Variants in RAD54L2 observed in about 807,000 individuals in gnomAD.
RAD54L2 encodes the protein RAD54 like 2, also known as helicase ARIP4.
Under a neutral mutation model 138.4 loss-of-function variants are expected in RAD54L2, and 27 were observed. The ratio of observed to expected loss-of-function variants is 0.20; its 90% CI spans 0.14 to 0.27. The LOEUF (loss-of-function observed/expected upper bound fraction) is 0.27, where lower values mean the gene tolerates loss of function less well. RAD54L2 is among the 10% of genes least tolerant of loss of function. The probability of loss-of-function intolerance (pLI) is 1.00; values close to 1 mark genes in which losing one functional copy is unlikely to be tolerated. For synonymous variants in RAD54L2, 644 were observed against 723.2 expected, an observed-to-expected ratio of 0.89 and a Z score of 1.76; for missense variants, 1,396 against 1,890.2, an observed-to-expected ratio of 0.74 and a Z score of 4.85.
Position 51,666,681 on chromosome 3 carries a change from TATC to T in RAD54L2, c.*3264_*3266del, listed in dbSNP as rs1399451405. On this transcript the variant is annotated 3_prime_UTR_variant, in exon 23 of 23. Transcript: ENST00000684192. ...AAAGGAAGTGAACCATGTTGGGTCA[TATC>T]ATTTTCTTTAGATTGGATATCTATG... 1 of 152,232 alleles carries T rather than the reference TATC, an allele frequency of 6.6e-6. No individual in the cohort carries two copies. The highest frequency in any genetic ancestry group is 2.4e-5 in the African/African-American group (1 of 41,460). The allele number at this position is 152,232 out of a possible 1,614,324, so 9.4% of individuals were successfully genotyped here. A position where few individuals can be genotyped will look rare whatever the true frequency, so the allele number is the denominator to read the frequency against.
chr3:51,630,302 C>T lies in RAD54L2; in HGVS notation c.512C>T (p.Pro171Leu). 1 of 1,613,982 alleles carries T rather than the reference C, an allele frequency of 6.2e-7. No individual in the cohort carries two copies. The highest frequency in any genetic ancestry group is 8.5e-7 in the Non-Finnish European group (1 of 1,179,884). The change falls in exon 6 of 23, where the codon CCC becomes CTC. Residue 171 changes from proline (P) to leucine (L), a missense_variant. Around this residue, in one of 7 missense-constraint regions of RAD54L2, gnomAD observed 256 missense variants for 344.6 expected, o/e 0.74. Transcript: ENST00000684192. ...EEIALRASDG[P>L]QLPPRVLAQE... ...ATTGCTTTAAGGGCAAGTGACGGTC[C>T]CCAACTGCCTCCTCGGGTCTTGGCC... is the stretch of plus-strand genomic sequence containing the variant.
intron 19 of RAD54L2, among the ~76,000 whole-genome samples, chr3:51,652,583 T>C (rs1477840390): frequency 6.6e-6 from 1 of 152,038 alleles, no homozygotes; most frequent in Non-Finnish European, 1.5e-5. Flanking sequence ...AACCAAAATA[T>C]AGACCAATGG....
chr3:51,571,494 C>G (rs147189251), intron 2 of RAD54L2, among the ~76,000 whole-genome samples: 66 of 151,018 alleles, frequency 4.4e-4, no homozygotes, highest in African/African-American at 1.6e-3. Flanking sequence ...CGGGTTCAAG[C>G]AATTCTCCCT....
chr3:51,627,607 G>GGCA lies in RAD54L2; in HGVS notation c.200_202dup (p.Gln67dup). 1 of 1,560,506 alleles carries GGCA rather than the reference G, an allele frequency of 6.4e-7. No individual in the cohort carries two copies. Among genetic ancestry groups the GGCA allele is most frequent in the Non-Finnish European group, 8.7e-7 (1 of 1,152,906 alleles). On this transcript the variant is annotated inframe_insertion, in exon 4 of 23. Transcript: ENST00000684192. ...GAGCATGCCCAGTTGGGAGAAGATG[G>GGCA]GCAGCAGCCGCCGCGGTGCACTTCA...
Position 51,638,934 on chromosome 3 carries a change from T to C in RAD54L2, c.1861-485T>C, listed in dbSNP as rs1701057832. On this transcript the variant is annotated intron_variant, in intron 12 of 22. Transcript: ENST00000684192. This position sits in a 1 kb window ranked among gnomAD's most constrained non-coding sequence, Gnocchi z 4.3. ...AAACTAAGGCAAGCGTGGTCTGTGATGATGCTTTGGTATCACTGCATCCTT... is the reference window on the plus strand; with the variant it reads ...AAACTAAGGCAAGCGTGGTCTGTGACGATGCTTTGGTATCACTGCATCCTT... 6.0e-6 allele frequency: 1 copy of C among 167,630 alleles called. No homozygotes were observed. The highest frequency in any genetic ancestry group is 1.3e-5 in the Non-Finnish European group (1 of 77,368). 10.4% of individuals were successfully genotyped at this position (167,630 alleles called of 1,614,324 possible). A position where few individuals can be genotyped will look rare whatever the true frequency, so the allele number is the denominator to read the frequency against.
chr3:51,546,334 A>T (rs1395056975), intron 2 of RAD54L2, among the ~76,000 whole-genome samples: 9 of 152,138 alleles, frequency 5.9e-5, no homozygotes, highest in African/African-American at 1.9e-4. Context: ...ATAAAAGTTG[A>T]TATCAGATAA....
intron 3 of RAD54L2, among the ~76,000 whole-genome samples, chr3:51,626,145 A>G (rs1700674403): frequency 1.3e-5 from 2 of 151,948 alleles, no homozygotes. Context: ...CCTGCCTGAG[A>G]TCCAAATGGC....
intron 2 of RAD54L2, among the ~76,000 whole-genome samples, chr3:51,588,554 A>G (rs1429799073): frequency 4.0e-5 from 6 of 150,650 alleles, no homozygotes; most frequent in Non-Finnish European, 5.9e-5. Flanking sequence ...AAAAAAAAAA[A>G]GAAAAGAAAA....
At chr3:51,605,528 G>T (rs962690766) in intron 3 of RAD54L2, among the ~76,000 whole-genome samples, 5 of 132,792 alleles carry the variant, frequency 3.8e-5, no homozygotes, top group Non-Finnish European at 6.2e-5. Flanking sequence ...TCTTGGCTCA[G>T]TGCAGCCTCC....
intron 2 of RAD54L2, among the ~76,000 whole-genome samples, chr3:51,549,159 A>C (rs1265481683): frequency 4.0e-5 from 6 of 151,890 alleles, no homozygotes; most frequent in Non-Finnish European, 8.8e-5. Context: ...ACGCCCAGCA[A>C]ATTTTTGTAT....
In RAD54L2 at chr3:51,627,767, C is replaced by A; in HGVS notation, c.341+13C>A. 1 of 1,613,146 alleles carries A rather than the reference C, an allele frequency of 6.2e-7. No individual in the cohort carries two copies. The highest frequency in any genetic ancestry group is 1.1e-5 in the South Asian group (1 of 91,018). ...GAAGAAACATACGGTGAGCTGTGCT[C>A]TGTGTAAGAGGAGAGGGAAAGGAAT... On this transcript the variant is annotated intron_variant, in intron 4 of 22. Transcript: ENST00000684192.
At chr3:51,614,237 C>T (rs1176332788) in intron 3 of RAD54L2, among the ~76,000 whole-genome samples, 1 of 151,912 alleles carries the variant, frequency 6.6e-6, no homozygotes, top group Non-Finnish European at 1.5e-5. Flanking sequence ...TCTTAGTTCC[C>T]TGTAACCTAG....
Position 51,656,089 on chromosome 3 carries a change from A to G in RAD54L2, c.3145A>G (p.Ser1049Gly). The change falls in exon 20 of 23, where the codon AGC becomes GGC. Residue 1049 changes from serine to glycine, a missense_variant. Ser to Gly is a moderately conservative substitution (Grantham distance 56, BLOSUM62 0). Transcript: ENST00000684192. ...GGGAGGAAGTGTAAGCTCTGCCTCC[A>G]GCACAAATCCATCCATGAACTTTCC... ...PLGGSVSSAS[S>G]TNPSMNFPIN... is the part of the protein sequence containing the mutation. The G allele has an allele frequency of 1.9e-6, 3 of 1,614,032 alleles. No individual in the cohort carries two copies. The highest frequency in any genetic ancestry group is 2.2e-5 in the East Asian group (1 of 44,880).
In RAD54L2 at chr3:51,637,367, A is replaced by T; in HGVS notation, c.1546A>T (p.Thr516Ser). Reference sequence around the variant, plus strand: ...CTTTGTGCGCCCAGACTTCCTTGGCACCCGGCAGGAGTTCAGCAACATGTT... The same window carrying T: ...CTTTGTGCGCCCAGACTTCCTTGGCTCCCGGCAGGAGTTCAGCAACATGTT... ...VDFVRPDFLG[T>S]RQEFSNMFER... Residue 516 changes from threonine (T) to serine (S), a missense_variant, in exon 11 of 23, where the codon ACC becomes TCC. Coordinates refer to ENST00000684192, the MANE Select transcript of RAD54L2 (RefSeq NM_015106.4). The surrounding 1 kb of genome is among the most constrained non-coding windows in gnomAD (Gnocchi z 5.9). 1 of 1,613,672 alleles carries T rather than the reference A, an allele frequency of 6.2e-7. No homozygotes were observed. The highest frequency in any genetic ancestry group is 8.5e-7 in the Non-Finnish European group (1 of 1,179,812).
At chr3:51,655,887 C>T in intron 19 of RAD54L2, 84 bp from the exon 20 acceptor site, 1 of 1,207,608 alleles carries the variant, frequency 8.3e-7, no homozygotes, top group Non-Finnish European at 1.2e-6. Context: ...TAGAATGGGG[C>T]AGCCTAGAAA....
Position 51,612,460 on chromosome 3 carries a change from T to TCAAAA in RAD54L2, c.140-15073_140-15069dup, listed in dbSNP as rs951779723. Among the ~76,000 whole-genome samples, 30 of 152,228 alleles carry TCAAAA rather than the reference T, an allele frequency of 2.0e-4. 1 individual carries two copies. The Middle Eastern group carries it at 0.01, about 52-fold the overall frequency. On this transcript the variant is annotated intron_variant, in intron 3 of 22. Coordinates refer to ENST00000684192, the MANE Select transcript of RAD54L2 (RefSeq NM_015106.4). ...CTGGGTGACAGAGCAAGACTCTGTC[T>TCAAAA]CAAAACAAAACAAAACAAAACAAAC...
chr3:51,617,154 TA>T (rs1232112528), intron 3 of RAD54L2, among the ~76,000 whole-genome samples: 6 of 152,228 alleles, frequency 3.9e-5, no homozygotes, highest in African/African-American at 1.2e-4. Context: ...CTCTTATGAA[TA>T]AAGCTGCTCT....
At chr3:51,566,089 A>C (rs947075848) in intron 2 of RAD54L2, among the ~76,000 whole-genome samples, 3 of 152,132 alleles carry the variant, frequency 2.0e-5, no homozygotes, top group African/African-American at 7.2e-5. Context: ...CGGCCTCCCA[A>C]AGTGCTGGGA....
intron 3 of RAD54L2, among the ~76,000 whole-genome samples, chr3:51,609,880 G>A (rs1700290164): frequency 6.6e-6 from 1 of 152,014 alleles, no homozygotes; most frequent in South Asian, 2.1e-4. Context: ...GCTTGATGTG[G>A]CCACCTCACA....
Sources: allele counts gnomAD v4.1 joint callset (sites outside exome capture counted in the v4.1 genomes callset), GRCh38; gene constraint gnomAD v4.1.1; regional missense constraint gnomAD v4.1.1; non-coding constraint Gnocchi (gnomAD v3.1); transcripts MANE v1.5; gene names NCBI Gene and HGNC (gene_info 2026-07-23, HGNC 2026-07-21).